Variants in DNTTIP2 observed in about 807,000 individuals in gnomAD.
DNTTIP2 encodes the protein deoxynucleotidyltransferase terminal interacting protein 2, also known as deoxynucleotidyltransferase terminal-interacting protein 2.
A neutral mutation model predicts 62.4 loss-of-function variants in DNTTIP2; 47 were observed. The ratio of observed to expected loss-of-function variants is 0.75; its 90% CI spans 0.60 to 0.96. DNTTIP2 has a LOEUF of 0.96. Ranked by LOEUF, DNTTIP2 falls within the 40% of genes least tolerant of loss-of-function variation. The pLI is 0.00. For synonymous variants in DNTTIP2, 322 were observed against 300.9 expected, an observed-to-expected ratio of 1.07 and a Z score of -0.73; for missense variants, 870 against 849.1, an observed-to-expected ratio of 1.02 and a Z score of -0.31.
At chr1:93,873,647 A>C (rs1410770671) in intron 3 of DNTTIP2, among the ~76,000 whole-genome samples, 1 of 150,446 alleles carries the variant, frequency 6.6e-6, no homozygotes, top group Non-Finnish European at 1.5e-5. Flanking sequence ...AAAAGAAAAA[A>C]AAGGCCAGGC....
Position 93,877,602 on chromosome 1 carries a change from C to A in DNTTIP2, c.333G>T (p.Gln111His). 1 of 1,614,004 alleles carries A rather than the reference C, an allele frequency of 6.2e-7. No homozygotes were observed. Among genetic ancestry groups the A allele is most frequent in the Non-Finnish European group, 8.5e-7 (1 of 1,179,894 alleles). Residue 111 changes from glutamine (Q) to histidine (H), a missense_variant, in exon 2 of 7, where the codon CAG becomes CAT. Transcript: ENST00000436063. Reference sequence around the variant, plus strand: ...ACACTGGGGAGCATGCAATTAAGATCTGCCTTCTCCTAGTTACCCTTAAAA... The same window carrying A: ...ACACTGGGGAGCATGCAATTAAGATATGCCTTCTCCTAGTTACCCTTAAAA... ...DTILRVTRRRQILIACSPVSS... is the reference protein window; with the variant it reads ...DTILRVTRRRHILIACSPVSS...
intron 3 of DNTTIP2, 57 bp downstream of exon 3, chr1:93,875,588 T>C (rs1196476745): frequency 3.9e-5 from 60 of 1,546,110 alleles, no homozygotes; most frequent in Non-Finnish European, 4.8e-5. Context: ...TACCAAGGAC[T>C]AATTTCTAAA....
In DNTTIP2 at chr1:93,877,180, A is replaced by G; in HGVS notation, c.755T>C (p.Leu252Pro). 1 of 1,613,666 alleles carries G rather than the reference A, an allele frequency of 6.2e-7. No individual in the cohort carries two copies. The highest frequency in any genetic ancestry group is 8.5e-7 in the Non-Finnish European group (1 of 1,179,848). Residue 252 changes from leucine to proline, a missense_variant, in exon 2 of 7, where the codon CTT (leucine) becomes CCT (proline). Physicochemically the swap from Leu to Pro is moderately conservative, Grantham distance 98 (BLOSUM62 -3). Transcript: ENST00000436063. Reference protein sequence around the residue: ...RQTSHLQARSLSEINKPNFYN... With the variant: ...RQTSHLQARSPSEINKPNFYN... ...GAAATTTGGCTTATTTATCTCAGAAAGAGATCTTGCTTGTAAATGGGAAGT... is the reference window on the plus strand; with the variant it reads ...GAAATTTGGCTTATTTATCTCAGAAGGAGATCTTGCTTGTAAATGGGAAGT...
chr1:93,871,907 G>T (rs1219678989), intron 5 of DNTTIP2, among the ~76,000 whole-genome samples, 165 bp downstream of exon 5: 1 of 152,182 alleles, frequency 6.6e-6, no homozygotes, highest in African/African-American at 2.4e-5. Flanking sequence ...GTTAGTGGCT[G>T]AATTGGGTAA....
chr1:93,875,524 A>G, intron 3 of DNTTIP2, 121 bp downstream of exon 3: 8 of 968,244 alleles, frequency 8.3e-6, no homozygotes, highest in Non-Finnish European at 1.2e-5. Context: ...AGAGAGAAGG[A>G]AAAAACTAAC....
At position 93,876,268 on chromosome 1, in the gene DNTTIP2, A is replaced by C; in HGVS notation, c.1667T>G (p.Leu556Arg). 6.7e-7 allele frequency: 1 copy of C among 1,500,282 alleles called. No homozygotes were observed. The allele number at this position is 1,500,282 out of a possible 1,614,324, so 92.9% of individuals were successfully genotyped here. Reference sequence around the variant, plus strand: ...TTATAAAAATAAAGGAAAAACTTACAGTTTAGCCTTTGTGCTATTTAGGAA... The same window carrying C: ...TTATAAAAATAAAGGAAAAACTTACCGTTTAGCCTTTGTGCTATTTAGGAA... The part of the protein sequence containing the change: ...EDFLNSTKAK[L>R]LKLTSSSIDP... Residue 556 changes from leucine to arginine, a missense_variant and splice_region_variant, in exon 2 of 7, where the codon CTT becomes CGT. Coordinates refer to ENST00000436063, the MANE Select transcript of DNTTIP2 (RefSeq NM_014597.5).
rs1557717570 is a variant in DNTTIP2, at chr1:93,872,081, C to T, written c.2058G>A (p.Lys686=). The change falls in exon 5 of 7, where the codon AAG becomes AAA. Residue 686 remains lysine (K), a synonymous_variant. Transcript: ENST00000436063. ...TCTGTTTGCTTCATACCTGGAAGTA[C>T]TTGGGGAAGCCATCTCTATCATTTT... The part of the protein sequence containing the change: ...YKKNDRDGFP[K]YFQIGTIVDN... The T allele has an allele frequency of 4.3e-6, 7 of 1,613,754 alleles. No individual in the cohort carries two copies. Among genetic ancestry groups the T allele is most frequent in the Non-Finnish European group, 5.9e-6 (7 of 1,179,750 alleles).
At position 93,876,891 on chromosome 1, in the gene DNTTIP2, T is replaced by A. The variant is rs1557719417; in HGVS notation, c.1044A>T (p.Val348=). ...CAGAGTTCAGATTAGAGTGCACTGATACAGCATTTTTATTTTGGGGGGTTG... is the reference window on the plus strand; with the variant it reads ...CAGAGTTCAGATTAGAGTGCACTGAAACAGCATTTTTATTTTGGGGGGTTG... ...RHSTPQNKNA[V]SVHSNLNSEA... The change falls in exon 2 of 7, where the codon GTA becomes GTT. Residue 348 remains valine (V), a synonymous_variant. Transcript: ENST00000436063. 9 of 1,613,972 alleles carry A rather than the reference T, an allele frequency of 5.6e-6. 1 individual carries two copies. The highest frequency in any genetic ancestry group is 7.6e-6 in the Non-Finnish European group (9 of 1,179,880).
chr1:93,870,027 G>A, intron 6 of DNTTIP2, 83 bp from the exon 7 acceptor site: 1 of 688,282 alleles, frequency 1.5e-6, no homozygotes, highest in Non-Finnish European at 2.7e-6. Context: ...GTTGGGAATG[G>A]AGTGGTGGAC....
At position 93,876,809 on chromosome 1, in the gene DNTTIP2, T is replaced by A; in HGVS notation, c.1126A>T (p.Asn376Tyr). ...TTTATGGGGCTCTTTTTGTTGTTAT[T>A]CCATCTGCCTACTTCCACAGTTGCA... ...TFATVEVGRW[N>Y]NNKKSPIKAS... Residue 376 changes from asparagine (N) to tyrosine (Y), a missense_variant, in exon 2 of 7, where the codon AAT (asparagine) becomes TAT (tyrosine). Transcript: ENST00000436063. The A allele has an allele frequency of 6.2e-7, 1 of 1,613,972 alleles. No individual in the cohort carries two copies. Among genetic ancestry groups the A allele is most frequent in the East Asian group, 2.2e-5 (1 of 44,872 alleles).
intron 3 of DNTTIP2, among the ~76,000 whole-genome samples, chr1:93,875,281 A>AT (rs1476159136): frequency 1.3e-5 from 2 of 152,136 alleles, no homozygotes; most frequent in Non-Finnish European, 2.9e-5. Flanking sequence ...GCACATGTGC[A>AT]TTTTTTTCCG....
chr1:93,875,792 G>T lies in DNTTIP2; in HGVS notation c.1668-9C>A, dbSNP rs763458729. ...TGCTTGTCAACTTCAGACTGAAAAA[G>T]AAATCATCACTTAAAGATCAAGTAA... is the stretch of plus-strand genomic sequence containing the variant. On this transcript the variant is annotated splice_polypyrimidine_tract_variant and intron_variant, in intron 2 of 6. Transcript: ENST00000436063. 36 of 1,602,360 alleles carry T rather than the reference G, an allele frequency of 2.2e-5. No individual in the cohort carries two copies. The highest frequency in any genetic ancestry group is 5.2e-5 in the Admixed American group (3 of 57,154).
chr1:93,875,522 G>A, intron 3 of DNTTIP2, 123 bp downstream of exon 3: 1 of 928,646 alleles, frequency 1.1e-6, no homozygotes, highest in Non-Finnish European at 1.6e-6. Context: ...TTAGAGAGAA[G>A]GAAAAAACTA....
chr1:93,873,158 T>C lies in DNTTIP2; in HGVS notation c.1863A>G (p.Pro621=). 6.2e-7 allele frequency: 1 copy of C among 1,613,180 alleles called. No individual in the cohort carries two copies. Among genetic ancestry groups the C allele is most frequent in the Non-Finnish European group, 8.5e-7 (1 of 1,179,490 alleles). The change falls in exon 4 of 7, where the codon CCA becomes CCG. Residue 621 remains proline (P), a synonymous_variant. Transcript: ENST00000436063. ...GAAGTTGATACTTTGATTCACTATATGGTGGAACACAGTGGTTTTTTTCAA... is the reference window on the plus strand; with the variant it reads ...GAAGTTGATACTTTGATTCACTATACGGTGGAACACAGTGGTTTTTTTCAA... ...PDFEKNHCVP[P]YSESKYQLQK...
chr1:93,878,797 T>C (rs771010413), intron 1 of DNTTIP2: 2 of 391,146 alleles, frequency 5.1e-6, no homozygotes, highest in Admixed American at 4.2e-5. Flanking sequence ...AACAGTAAGG[T>C]TTAAAAGTTC....
intron 3 of DNTTIP2, among the ~76,000 whole-genome samples, chr1:93,874,557 G>A (rs1280515533): frequency 6.6e-6 from 1 of 152,216 alleles, no homozygotes; most frequent in Non-Finnish European, 1.5e-5. Context: ...GGCAACTACA[G>A]TAGTCTTCAG....
At chr1:93,870,857 G>A (rs536484050) in intron 5 of DNTTIP2, 65 bp from the exon 6 acceptor site, 3 of 725,444 alleles carry the variant, frequency 4.1e-6, no homozygotes. Context: ...CTTCAGTGTA[G>A]CTCTAATTAT....
rs759868544 is a variant in DNTTIP2, at chr1:93,875,765, G to A, written c.1686C>T (p.Ser562=). The change falls in exon 3 of 7, where the codon AGC becomes AGT. Residue 562 remains serine, a synonymous_variant. Transcript: ENST00000436063. ...TKAKLLKLTS[S]SIDPGLSIKQ... is the part of the protein sequence containing the mutation. ...TGATACTCAGACCAGGGTCTATGCT[G>A]CTGCTTGTCAACTTCAGACTGAAAA... 1.2e-6 allele frequency: 2 copies of A among 1,609,400 alleles called. No individual in the cohort carries two copies. The highest frequency in any genetic ancestry group is 1.7e-6 in the Non-Finnish European group (2 of 1,178,862).
At chr1:93,873,084 A>G (rs1655911195) in intron 4 of DNTTIP2, 35 bp downstream of exon 4, 2 of 1,439,502 alleles carry the variant, frequency 1.4e-6, no homozygotes, top group South Asian at 1.2e-5. Context: ...ATAGCCAAAC[A>G]TATCTAAGCA....
Sources: allele counts gnomAD v4.1 joint callset (sites outside exome capture counted in the v4.1 genomes callset), GRCh38; gene constraint gnomAD v4.1.1; transcripts MANE v1.5; gene names NCBI Gene and HGNC (gene_info 2026-07-23, HGNC 2026-07-21).